The following HAPLN1 variants were observed in gnomAD, a reference collection of about 807,000 sequenced individuals.
HAPLN1 encodes Cartilage link protein.
Under a neutral mutation model 36.5 loss-of-function variants are expected in HAPLN1, and 13 were observed. The ratio of observed to expected loss-of-function variants is 0.36; its 90% CI spans 0.23 to 0.57. The LOEUF is 0.57. Among genes scored for constraint, HAPLN1 ranks in the 20% least tolerant of loss-of-function variants. The probability of loss-of-function intolerance (pLI) is 0.83; values close to 1 mark genes in which losing one functional copy is unlikely to be tolerated. For synonymous variants in HAPLN1, 202 were observed against 169.8 expected, an observed-to-expected ratio of 1.19 and a Z score of -1.48; for missense variants, 407 against 439.7, an observed-to-expected ratio of 0.93 and a Z score of 0.66.
chr5:83,652,919 A>T, intron 2 of HAPLN1, 95 bp from the exon 3 acceptor site: 3 of 1,212,126 alleles, frequency 2.5e-6, no homozygotes, highest in Non-Finnish European at 3.4e-6. Flanking sequence ...AGGATATCTG[A>T]CAAAGGATAG....
intron 1 of HAPLN1, among the ~76,000 whole-genome samples, chr5:83,698,584 C>T (rs1160973288): frequency 2.0e-5 from 3 of 152,074 alleles, no homozygotes; most frequent in Non-Finnish European, 2.9e-5. Flanking sequence ...TATAGTTCCC[C>T]TAGTAGTAGT....
At chr5:83,669,212 G>A (rs1158378766) in intron 2 of HAPLN1, among the ~76,000 whole-genome samples, 3 of 152,100 alleles carry the variant, frequency 2.0e-5, no homozygotes, top group African/African-American at 7.2e-5. Context: ...TATTTAATGT[G>A]ACTGGGGAGG....
intron 1 of HAPLN1, among the ~76,000 whole-genome samples, chr5:83,708,711 G>A (rs980288525): frequency 1.1e-4 from 16 of 151,526 alleles, no homozygotes; most frequent in Non-Finnish European, 2.4e-4. Flanking sequence ...TAAACTAAAA[G>A]TTAAAAAAAA....
At chr5:83,702,955 G>A (rs1037063531) in intron 1 of HAPLN1, among the ~76,000 whole-genome samples, 6 of 152,140 alleles carry the variant, frequency 3.9e-5, no homozygotes, top group African/African-American at 1.4e-4. Flanking sequence ...CAAGAGATAT[G>A]CCTGCTTCAG....
chr5:83,717,104 T>C (rs1037203297), intron 1 of HAPLN1, among the ~76,000 whole-genome samples: 2 of 152,130 alleles, frequency 1.3e-5, no homozygotes, highest in Non-Finnish European at 2.9e-5. Context: ...TTTTAGGCAG[T>C]CTCTCACTAG....
intron 1 of HAPLN1, among the ~76,000 whole-genome samples, chr5:83,696,101 A>T (rs1292100012): frequency 6.6e-6 from 1 of 152,198 alleles, no homozygotes; most frequent in African/African-American, 2.4e-5. Context: ...CCATGTGCAA[A>T]CATCATTATA....
chr5:83,645,388 A>G (rs1245292779), intron 3 of HAPLN1, among the ~76,000 whole-genome samples: 1 of 151,974 alleles, frequency 6.6e-6, no homozygotes, highest in African/African-American at 2.4e-5. Flanking sequence ...GTGGCCCAGA[A>G]CAGCTCTAAA....
intron 1 of HAPLN1, among the ~76,000 whole-genome samples, chr5:83,692,608 C>G (rs1306372379): frequency 1.3e-5 from 2 of 151,816 alleles, no homozygotes; most frequent in African/African-American, 4.8e-5. Context: ...ATAGCCTACA[C>G]AGAAATAAAT....
chr5:83,664,369 T>C (rs1314472444), intron 2 of HAPLN1, among the ~76,000 whole-genome samples: 1 of 152,056 alleles, frequency 6.6e-6, no homozygotes, highest in Non-Finnish European at 1.5e-5. Context: ...TCTCACAACC[T>C]TTTTTTCCCT....
intron 2 of HAPLN1, among the ~76,000 whole-genome samples, chr5:83,672,341 T>C (rs1296367451): frequency 6.6e-6 from 1 of 152,346 alleles, no homozygotes; most frequent in South Asian, 2.1e-4. Flanking sequence ...TTCTACTATA[T>C]ATTACAGAAA....
chr5:83,700,193 CAAAAAAAA>C (rs58457969), intron 1 of HAPLN1, among the ~76,000 whole-genome samples: 38,460 of 99,312 alleles, frequency 0.39, 5,655 homozygotes, highest in Non-Finnish European at 0.45. Context: ...GACTCCATCT[CAAAAAAAA>C]AAAAAAAAAA....
intron 4 of HAPLN1, among the ~76,000 whole-genome samples, chr5:83,643,794 G>T (rs888040681): frequency 6.6e-6 from 1 of 152,162 alleles, no homozygotes; most frequent in South Asian, 2.1e-4. Flanking sequence ...GATGTGGCTG[G>T]TTCTGAAGAC....
In HAPLN1 at chr5:83,641,772, A is replaced by G. The variant is rs1367149620; in HGVS notation, c.789T>C (p.Tyr263=). 8 of 1,613,630 alleles carry G rather than the reference A, an allele frequency of 5.0e-6. No individual in the cohort carries two copies. The highest frequency in any genetic ancestry group is 5.9e-6 in the Non-Finnish European group (7 of 1,179,720). The change falls in exon 5 of 5, where the codon TAT becomes TAC. Residue 263 remains tyrosine (Y), a synonymous_variant. Transcript: ENST00000274341. ...FTSNFNGRFY[Y]LIHPTKLTYD... is the part of the protein sequence containing the mutation. The stretch of plus-strand genomic sequence containing the variant: ...AGGTCAGTTTGGTGGGGTGGATCAG[A>G]TAGTAAAAACGGCCTGTAGAGAAAA...
intron 1 of HAPLN1, among the ~76,000 whole-genome samples, chr5:83,692,354 C>G (rs922453744): frequency 4.0e-5 from 6 of 151,438 alleles, no homozygotes; most frequent in African/African-American, 1.2e-4. Flanking sequence ...CTGCTTAAAA[C>G]CAGTGGTAAA....
chr5:83,643,856 C>T, intron 4 of HAPLN1, among the ~76,000 whole-genome samples: 1 of 152,238 alleles, frequency 6.6e-6, no homozygotes, highest in East Asian at 1.9e-4. Context: ...GTCATCAACA[C>T]TGCTGCAACC....
chr5:83,708,167 A>G (rs899112211), intron 1 of HAPLN1, among the ~76,000 whole-genome samples: 4 of 152,244 alleles, frequency 2.6e-5, no homozygotes, highest in African/African-American at 7.2e-5. Flanking sequence ...CTCCTCAGAG[A>G]GCTAAAGCAG....
chr5:83,697,705 G>C (rs1188288492), intron 1 of HAPLN1, among the ~76,000 whole-genome samples: 1 of 151,976 alleles, frequency 6.6e-6, no homozygotes, highest in Non-Finnish European at 1.5e-5. Context: ...ACTTATTATT[G>C]TATGCCTTTT....
chr5:83,645,232 A>G (rs1464773849), intron 3 of HAPLN1, among the ~76,000 whole-genome samples: 3 of 152,174 alleles, frequency 2.0e-5, no homozygotes, highest in African/African-American at 4.8e-5. Context: ...ATAAACAAGC[A>G]TATTAACAAA....
intron 1 of HAPLN1, among the ~76,000 whole-genome samples, chr5:83,700,115 A>G (rs774241664): frequency 6.6e-6 from 1 of 150,438 alleles, no homozygotes; most frequent in Non-Finnish European, 1.5e-5. Flanking sequence ...AATCACTTTA[A>G]CCCAGGAGGC....
Sources: gnomAD v4.1 joint callset for allele counts (sites outside exome capture counted in the v4.1 genomes callset) on GRCh38, gnomAD v4.1.1 for gene constraint, MANE v1.5 for transcripts, NCBI Gene and HGNC (gene_info 2026-07-23, HGNC 2026-07-21) for gene names.